ANKRD44: variants seen among roughly 807,000 people sequenced by gnomAD.
ANKRD44 encodes serine/threonine-protein phosphatase 6 regulatory ankyrin repeat subunit B.
Under a neutral mutation model 116.0 loss-of-function variants are expected in ANKRD44, and 35 were observed. That is an observed-to-expected ratio of 0.30 (90% CI 0.23 to 0.40). ANKRD44 has a LOEUF of 0.40. Among genes scored for constraint, ANKRD44 ranks in the 10% least tolerant of loss-of-function variants. The pLI, the probability that ANKRD44 is intolerant of heterozygous loss-of-function variation, is 1.00. For synonymous variants in ANKRD44, 435 were observed against 461.8 expected (o/e 0.94, Z 0.74); for missense variants, 1,014 against 1,242.6 (o/e 0.82, Z 2.77).
chr2:197,133,365 C>T (rs1335810965), intron 4 of ANKRD44, among the ~76,000 whole-genome samples: 1 of 152,186 alleles, frequency 6.6e-6, no homozygotes. Flanking sequence ...GACTTCAGGG[C>T]CTCACAGAAT....
In ANKRD44 at chr2:197,156,096, C is replaced by T. The variant is rs535389099; in HGVS notation, c.112-8991G>A. On this transcript the variant is annotated intron_variant, in intron 2 of 27. Coordinates refer to ENST00000282272, the MANE Select transcript of ANKRD44 (RefSeq NM_001195144.2). ...GCGTGGTGGCTCACACCTGTAATCC[C>T]ATCACTTTGGGAGGCCAAGGCGGGC... 3.9e-5 allele frequency among the ~76,000 whole-genome samples: 6 copies of T among 152,300 alleles called. No homozygotes were observed. In the South Asian group the frequency reaches 1.2e-3, roughly 32 times the overall value.
rs184588353 is a variant in ANKRD44 at position 197,023,896 on chromosome 2, C to A, written c.1722+1300G>T. Reference sequence around the variant, plus strand: ...ACATTTTCCACAGTAAGTCCATCTCCGGGAACACAGACTGATGCACACTTT... The same window carrying A: ...ACATTTTCCACAGTAAGTCCATCTCAGGGAACACAGACTGATGCACACTTT... On this transcript the variant is annotated intron_variant, in intron 17 of 27. Coordinates refer to ENST00000282272, the MANE Select transcript of ANKRD44 (RefSeq NM_001195144.2). Among the ~76,000 whole-genome samples the A allele has an allele frequency of 4.6e-5, 7 of 152,280 alleles. No homozygotes were observed. In the East Asian group the frequency reaches 1.4e-3, roughly 29 times the overall value.
intron 17 of ANKRD44, chr2:197,015,502 A>G (rs1184455772): frequency 2.1e-6 from 1 of 477,880 alleles, no homozygotes; most frequent in Admixed American, 2.9e-5. Context: ...TATACAAGAG[A>G]TGCAGTCTGC....
intron 1 of ANKRD44, among the ~76,000 whole-genome samples, chr2:197,253,744 A>G (rs74790017): frequency 0.014 from 2,102 of 152,320 alleles, 17 homozygotes; most frequent in Non-Finnish European, 0.019. Flanking sequence ...AAAGCTCTGC[A>G]GTTAGTTTTG....
chr2:197,006,487 G>C (rs555934238), intron 20 of ANKRD44, among the ~76,000 whole-genome samples: 8 of 152,232 alleles, frequency 5.3e-5, no homozygotes, highest in African/African-American at 1.9e-4. Context: ...CAGTAAACAT[G>C]AGTTTTAGAA....
In ANKRD44 at chr2:197,031,043, C is replaced by T. The variant is rs115485897; in HGVS notation, c.1651-5776G>A. Reference sequence around the variant, plus strand: ...GATGGAGAAGAGGAAATTATAGTACCCACAACACTGGAAAGCAAAACTTTC... The same window carrying T: ...GATGGAGAAGAGGAAATTATAGTACTCACAACACTGGAAAGCAAAACTTTC... On this transcript the variant is annotated intron_variant, in intron 16 of 27. Transcript: ENST00000282272. 4.5e-3 allele frequency among the ~76,000 whole-genome samples: 685 copies of T among 152,170 alleles called. 1 individual carries two copies. The highest frequency in any genetic ancestry group is 7.8e-3 in the Admixed American group (119 of 15,276).
intron 8 of ANKRD44, among the ~76,000 whole-genome samples, chr2:197,111,317 G>C (rs2078560304): frequency 6.6e-6 from 1 of 152,110 alleles, no homozygotes; most frequent in African/African-American, 2.4e-5. Context: ...AGCTGAAGCT[G>C]ACCAAATGGC....
At chr2:197,027,286 C>T (rs554293058) in intron 16 of ANKRD44, among the ~76,000 whole-genome samples, 2 of 152,000 alleles carry the variant, frequency 1.3e-5, no homozygotes, top group Admixed American at 6.6e-5. Context: ...GGCTTTAGCC[C>T]GGGAGGTGGA....
At chr2:197,282,500 T>G (rs999678608) in intron 1 of ANKRD44, among the ~76,000 whole-genome samples, 2 of 152,058 alleles carry the variant, frequency 1.3e-5, no homozygotes, top group Non-Finnish European at 2.9e-5. Flanking sequence ...GCTGTTGGAA[T>G]GGTTTTGATG....
At chr2:197,243,229 T>C (rs1042052423) in intron 1 of ANKRD44, among the ~76,000 whole-genome samples, 2 of 152,154 alleles carry the variant, frequency 1.3e-5, no homozygotes, top group Non-Finnish European at 2.9e-5. Flanking sequence ...TGACTGCATA[T>C]GTAATATGTT....
chr2:197,100,529 C>A (rs2125227338), intron 9 of ANKRD44, among the ~76,000 whole-genome samples: 1 of 152,338 alleles, frequency 6.6e-6, no homozygotes. Flanking sequence ...CAACTAAATG[C>A]CTGCTCTGAA....
intron 20 of ANKRD44, among the ~76,000 whole-genome samples, chr2:197,006,500 A>T (rs2076205491): frequency 6.6e-6 from 1 of 152,188 alleles, no homozygotes; most frequent in Admixed American, 6.6e-5. Context: ...TTTTAGAATC[A>T]GGAAGATCTA....
intron 5 of ANKRD44, 119 bp downstream of exon 5, chr2:197,125,718 G>A (rs1288762518): frequency 5.9e-6 from 7 of 1,177,464 alleles, no homozygotes; most frequent in African/African-American, 3.0e-5. Context: ...AGATGCTGAA[G>A]GTTTGGTGTA....
intron 2 of ANKRD44, among the ~76,000 whole-genome samples, chr2:197,174,783 GACAA>G (rs890193753): frequency 6.6e-6 from 1 of 152,214 alleles, no homozygotes; most frequent in African/African-American, 2.4e-5. Context: ...AAAGACAGAA[GACAA>G]ACAAATAAAT....
intron 1 of ANKRD44, among the ~76,000 whole-genome samples, chr2:197,271,545 A>C (rs770523355): frequency 1.3e-5 from 2 of 152,246 alleles, no homozygotes; most frequent in Non-Finnish European, 2.9e-5. Context: ...GTGATATAAA[A>C]TTATATTCTC....
chr2:197,044,326 C>T (rs2076963020), intron 16 of ANKRD44, among the ~76,000 whole-genome samples: 1 of 152,150 alleles, frequency 6.6e-6, no homozygotes. Context: ...ATAATGTATG[C>T]TTTCCTCAGA....
intron 1 of ANKRD44, among the ~76,000 whole-genome samples, chr2:197,286,252 T>C (rs961913460): frequency 6.6e-6 from 1 of 152,254 alleles, no homozygotes; most frequent in Non-Finnish European, 1.5e-5. Flanking sequence ...GAAAGCAATT[T>C]GGTTTTATTT....
intron 6 of ANKRD44, among the ~76,000 whole-genome samples, chr2:197,124,286 C>T (rs2078927096): frequency 6.6e-6 from 1 of 152,102 alleles, no homozygotes. Flanking sequence ...CCTACTCTTT[C>T]TCCCTACAAT....
chr2:196,974,864 T>C (rs1200916412), intron 21 of ANKRD44, among the ~76,000 whole-genome samples: 1 of 149,720 alleles, frequency 6.7e-6, no homozygotes, highest in African/African-American at 2.5e-5. Context: ...CAATCCAGCC[T>C]AGGTGACAGA....
Sources: gnomAD v4.1 joint callset for allele counts (sites outside exome capture counted in the v4.1 genomes callset) on GRCh38, gnomAD v4.1.1 for gene constraint, MANE v1.5 for transcripts, NCBI Gene and HGNC (gene_info 2026-07-23, HGNC 2026-07-21) for gene names.